CNGA4: variants seen among roughly 807,000 people sequenced by gnomAD.
The protein encoded by CNGA4 is cyclic nucleotide gated channel subunit alpha 4.
A neutral mutation model predicts 45.6 loss-of-function variants in CNGA4; 32 were observed. The ratio of observed to expected loss-of-function variants is 0.70; its 90% CI spans 0.53 to 0.94. The LOEUF is 0.94. Ranked by LOEUF, CNGA4 falls within the 40% of genes least tolerant of loss-of-function variation. The pLI is 0.00. For synonymous variants in CNGA4, 293 were observed against 304.6 expected (o/e 0.96, Z 0.40); for missense variants, 726 against 755.1 (o/e 0.96, Z 0.45).
At position 6,244,471 on chromosome 11, in the gene CNGA4, C is replaced by T; in HGVS notation, c.*62C>T. On this transcript the variant is annotated 3_prime_UTR_variant, in exon 6 of 6. Transcript: ENST00000379936. This position sits in a 1 kb window ranked among gnomAD's most constrained non-coding sequence, Gnocchi z 4.5. ...AATCCAGAGTTGTAGTAAAGCCTAA[C>T]TGCTGCAACTCTGTCATCCTGTCTG... The T allele has an allele frequency of 7.0e-7, 1 of 1,433,254 alleles. No homozygotes were observed. Among genetic ancestry groups the T allele is most frequent in the Non-Finnish European group, 9.5e-7 (1 of 1,052,646 alleles). 88.8% of individuals were successfully genotyped at this position (1,433,254 alleles called of 1,614,324 possible). A position where few individuals can be genotyped will look rare whatever the true frequency, so the allele number is the denominator to read the frequency against.
upstream of CNGA4, among the ~76,000 whole-genome samples, chr11:6,235,674 C>T (rs1847823114): frequency 1.3e-5 from 2 of 152,194 alleles, no homozygotes; most frequent in Non-Finnish European, 2.9e-5. Context: ...GGCGCGGTGG[C>T]TCACGCCTGT....
Position 6,241,605 on chromosome 11 carries a change from G to A in CNGA4, c.1092G>A (p.Leu364=). 3.1e-6 allele frequency: 5 copies of A among 1,614,110 alleles called. No individual in the cohort carries two copies. Among genetic ancestry groups the A allele is most frequent in the East Asian group, 2.2e-5 (1 of 44,892 alleles). Residue 364 remains leucine, a synonymous_variant, in exon 5 of 6, where the codon CTG becomes CTA. Coordinates refer to ENST00000379936, the MANE Select transcript of CNGA4 (RefSeq NM_001037329.4). ...ASLLEELVLK[L]QPQTYSPGEY... ...TGCTGGAGGAGCTGGTGCTGAAGCT[G>A]CAGCCCCAGACCTACTCACCAGGTG...
At chr11:6,243,788 T>C (rs1284716712) in intron 5 of CNGA4, among the ~76,000 whole-genome samples, 161 bp from the exon 6 acceptor site, 2 of 152,180 alleles carry the variant, frequency 1.3e-5, no homozygotes, top group African/African-American at 2.4e-5. Context: ...CTACCCAGCA[T>C]GGAGCCTGGT....
intron 3 of CNGA4, 79 bp from the exon 4 acceptor site, chr11:6,239,987 C>T (rs111621831): frequency 3.3e-6 from 5 of 1,521,656 alleles, no homozygotes; most frequent in Non-Finnish European, 2.7e-6. Flanking sequence ...GACAGTCTCC[C>T]TGGCCTGCCC....
intron 5 of CNGA4, among the ~76,000 whole-genome samples, chr11:6,242,775 C>T (rs903510623): frequency 2.0e-5 from 3 of 152,198 alleles, no homozygotes; most frequent in Admixed American, 2.0e-4. Context: ...GCTTGGCATA[C>T]AGCAAGTGTT....
rs547829254 is a variant in CNGA4 at position 6,239,630 on chromosome 11, G to A, written c.165-54G>A. 3.0e-5 allele frequency: 47 copies of A among 1,582,612 alleles called. 1 individual carries two copies. Among genetic ancestry groups the A allele is most frequent in the Admixed American group, 6.8e-5 (4 of 59,092 alleles). On this transcript the variant is annotated intron_variant, in intron 2 of 5. Transcript: ENST00000379936. ...AGAGGGTTAAGGGCCCTGGGGAGAC[G>A]CCTCGCACACAGAGGGTGCCCTTAA...
rs770886002 is a variant in CNGA4 at position 6,244,126 on chromosome 11, C to T, written c.1445C>T (p.Ala482Val). The change falls in exon 6 of 6, where the codon GCT becomes GTT. Residue 482 changes from alanine (A) to valine (V), a missense_variant. Ala to Val is a moderately conservative substitution (Grantham distance 64). Coordinates refer to ENST00000379936, the MANE Select transcript of CNGA4 (RefSeq NM_001037329.4). The surrounding 1 kb of genome is among the most constrained non-coding windows in gnomAD (Gnocchi z 4.5). Reference protein sequence around the residue: ...LLKMNKLDVNAEAAEIALQEA... With the variant: ...LLKMNKLDVNVEAAEIALQEA... ...AAAATGAACAAGTTGGACGTGAATG[C>T]TGAGGCAGCTGAGATCGCCCTGCAG... 1.9e-6 allele frequency: 3 copies of T among 1,614,222 alleles called. No homozygotes were observed. The highest frequency in any genetic ancestry group is 2.2e-5 in the East Asian group (1 of 44,880).
In CNGA4 at chr11:6,240,843, TGGCTGGGGCTTG is replaced by T; in HGVS notation, c.917+134_917+145del. ...ATGTAGCATTCAGCCGTGGGTTTGCTGGCTGGGGCTTGGAAAAAGGGAACTTCTTTCAACTGA... is the reference window on the plus strand; with the variant it reads ...ATGTAGCATTCAGCCGTGGGTTTGCTGAAAAAGGGAACTTCTTTCAACTGA... On this transcript the variant is annotated intron_variant, in intron 4 of 5. Transcript: ENST00000379936. This position sits in a 1 kb window ranked among gnomAD's most constrained non-coding sequence, Gnocchi z 4.9. The T allele has an allele frequency of 1.7e-6, 2 of 1,148,536 alleles. No individual in the cohort carries two copies. Among genetic ancestry groups the T allele is most frequent in the Admixed American group, 2.7e-5 (1 of 37,206 alleles). The allele number at this position is 1,148,536 out of a possible 1,614,324, so 71.1% of individuals were successfully genotyped here. A position where few individuals can be genotyped will look rare whatever the true frequency, so the allele number is the denominator to read the frequency against.
At chr11:6,244,491 T>C (rs1489590086), downstream of CNGA4, 1 of 1,325,416 alleles carries the variant, frequency 7.5e-7, no homozygotes. The surrounding 1 kb of genome is among the most constrained non-coding windows in gnomAD (Gnocchi z 4.5). Flanking sequence ...TCTGTCATCC[T>C]GTCTGCGAGA....
chr11:6,239,116 A>G lies in CNGA4; in HGVS notation c.-91A>G. 2 of 1,604,418 alleles carry G rather than the reference A, an allele frequency of 1.2e-6. No individual in the cohort carries two copies. Among genetic ancestry groups the G allele is most frequent in the Non-Finnish European group, 1.7e-6 (2 of 1,175,820 alleles). On this transcript the variant is annotated 5_prime_UTR_variant, in exon 1 of 6. Coordinates refer to ENST00000379936, the MANE Select transcript of CNGA4 (RefSeq NM_001037329.4). Reference sequence around the variant, plus strand: ...CAGAAGCCCAACAGCAGCCTCCTTCAGGCAGTCAGGCACTAGTGCCCAACT... The same window carrying G: ...CAGAAGCCCAACAGCAGCCTCCTTCGGGCAGTCAGGCACTAGTGCCCAACT...
rs145756754 is a variant in CNGA4 at position 6,240,391 on chromosome 11, C to T, written c.597C>T (p.Asp199=). Residue 199 remains aspartate, a synonymous_variant, in exon 4 of 6, where the codon GAC becomes GAT. Transcript: ENST00000379936. The surrounding 1 kb of genome is among the most constrained non-coding windows in gnomAD (Gnocchi z 4.9). ...CCCGGTACCTGGGCTTCGGGCGTGA[C>T]GCATGGGTGTACCCGGACCCCGCGC... The part of the protein sequence containing the change: ...ALSRYLGFGR[D]AWVYPDPAQP... 216 of 1,614,230 alleles carry T rather than the reference C, an allele frequency of 1.3e-4. 1 individual carries two copies. In the African/African-American group the frequency reaches 2.3e-3, roughly 17 times the overall value.
At chr11:6,239,506 G>C in intron 2 of CNGA4, 21 bp downstream of exon 2, 1 of 1,612,558 alleles carries the variant, frequency 6.2e-7, no homozygotes, top group South Asian at 1.1e-5. Flanking sequence ...GGTGCTAAGG[G>C]AGGGGCTGGA....
chr11:6,235,364 C>G (rs1847816846), upstream of CNGA4: 1 of 504,358 alleles, frequency 2.0e-6, no homozygotes, highest in Non-Finnish European at 2.6e-6. Flanking sequence ...GGAATAAGTG[C>G]CTGCATGCCC....
upstream of CNGA4, chr11:6,238,903 C>T (rs1275104917): frequency 3.6e-6 from 1 of 280,278 alleles, no homozygotes; most frequent in Non-Finnish European, 5.4e-6. Flanking sequence ...AGAGACAAGA[C>T]TCAGGCTTCC....
chr11:6,244,411 C>G lies in CNGA4; in HGVS notation c.*2C>G, dbSNP rs1187275812. On this transcript the variant is annotated 3_prime_UTR_variant, in exon 6 of 6. Coordinates refer to ENST00000379936, the MANE Select transcript of CNGA4 (RefSeq NM_001037329.4). The surrounding 1 kb of genome is among the most constrained non-coding windows in gnomAD (Gnocchi z 4.5). ...GAGGGACCCCCAGGTCCAGAGTGAC[C>G]CCATCCCCATCCCCAGGATTCCCAC... 1 of 1,598,998 alleles carries G rather than the reference C, an allele frequency of 6.3e-7. No homozygotes were observed. The highest frequency in any genetic ancestry group is 8.5e-7 in the Non-Finnish European group (1 of 1,172,084).
Position 6,241,468 on chromosome 11 carries a change from G to C in CNGA4, c.955G>C (p.Glu319Gln). 1 of 1,600,844 alleles carries C rather than the reference G, an allele frequency of 6.2e-7. No homozygotes were observed. Among genetic ancestry groups the C allele is most frequent in the Non-Finnish European group, 8.5e-7 (1 of 1,171,152 alleles). ...HLQINKKMTN[E>Q]VAILQHLPER... is the part of the protein sequence containing the mutation. ...GCAGATCAACAAGAAGATGACCAACGAGGTAGCCATCTTACAGCACTTGCC... is the reference window on the plus strand; with the variant it reads ...GCAGATCAACAAGAAGATGACCAACCAGGTAGCCATCTTACAGCACTTGCC... The change falls in exon 5 of 6, where the codon GAG becomes CAG. Residue 319 changes from glutamate (E) to glutamine (Q), a missense_variant. Physicochemically the swap from Glu to Gln is conservative, Grantham distance 29. Transcript: ENST00000379936.
rs145505130 is a variant in CNGA4, at chr11:6,240,237, C to A, written c.443C>A (p.Pro148His). ...TLRLNRFLRA[P>H]RLFEAFDRTE... Reference sequence around the variant, plus strand: ...AGGCTGAACCGCTTTCTCCGCGCGCCCCGCCTCTTCGAGGCCTTCGACCGC... The same window carrying A: ...AGGCTGAACCGCTTTCTCCGCGCGCACCGCCTCTTCGAGGCCTTCGACCGC... Residue 148 changes from proline (P) to histidine (H), a missense_variant, in exon 4 of 6, where the codon CCC becomes CAC. By Grantham distance (77) the Pro-to-His change is moderately conservative. Coordinates refer to ENST00000379936, the MANE Select transcript of CNGA4 (RefSeq NM_001037329.4). The surrounding 1 kb of genome is among the most constrained non-coding windows in gnomAD (Gnocchi z 4.9). 5 of 1,614,118 alleles carry A rather than the reference C, an allele frequency of 3.1e-6. No individual in the cohort carries two copies. The highest frequency in any genetic ancestry group is 4.2e-6 in the Non-Finnish European group (5 of 1,180,054).
In CNGA4 at chr11:6,240,022, CT is replaced by C; in HGVS notation, c.272-42del. 1 of 1,567,786 alleles carries C rather than the reference CT, an allele frequency of 6.4e-7. No homozygotes were observed. The highest frequency in any genetic ancestry group is 1.2e-5 in the South Asian group (1 of 82,172). On this transcript the variant is annotated intron_variant, in intron 3 of 5. Transcript: ENST00000379936. This position sits in a 1 kb window ranked among gnomAD's most constrained non-coding sequence, Gnocchi z 4.9. ...CTGGGCAGCTCATGCTCAGCCCAAG[CT>C]TGACTACAGCAGGTCCGCTTCCTAC...
chr11:6,235,720 C>T (rs1174716294), upstream of CNGA4, among the ~76,000 whole-genome samples: 2 of 152,146 alleles, frequency 1.3e-5, no homozygotes, highest in Non-Finnish European at 2.9e-5. Context: ...GCGGGCGGAT[C>T]ACGAGGTCAA....
Sources: gnomAD v4.1 joint callset for allele counts (sites outside exome capture counted in the v4.1 genomes callset) on GRCh38, gnomAD v4.1.1 for gene constraint, Gnocchi (gnomAD v3.1) non-coding constraint, MANE v1.5 for transcripts, NCBI Gene and HGNC (gene_info 2026-07-23, HGNC 2026-07-21) for gene names.